Variants in RBFOX1 observed in about 807,000 individuals in gnomAD.
The protein encoded by RBFOX1 is RNA binding protein fox-1 homolog 1.
RBFOX1 carries 8 observed loss-of-function variants against 57.7 expected under a neutral mutation model. The observed-to-expected ratio is 0.14, with a 90% CI of 0.08 to 0.25. RBFOX1 has a LOEUF of 0.25. Ranked by LOEUF, RBFOX1 falls within the 10% of genes least tolerant of loss-of-function variation. The pLI, the probability that RBFOX1 is intolerant of heterozygous loss-of-function variation, is 1.00. For missense variants in RBFOX1, 611 were observed against 548.5 expected (o/e 1.11, Z -1.14); for synonymous variants, 326 against 222.4 (o/e 1.47, Z -4.15).
At chr16:5,503,939 A>G (rs553546611) in intron 2 of RBFOX1, among the ~76,000 whole-genome samples, 1 of 152,142 alleles carries the variant, frequency 6.6e-6, no homozygotes, top group Non-Finnish European at 1.5e-5. Context: ...ATTTCATATA[A>G]ATAGCCTCCT....
At chr16:6,074,042 G>T (rs905401196) in intron 1 of RBFOX1, among the ~76,000 whole-genome samples, 1 of 152,014 alleles carries the variant, frequency 6.6e-6, no homozygotes, top group East Asian at 1.9e-4. Context: ...TCCACCTCCT[G>T]GGTCCCTGCC....
chr16:7,343,405 A>G (rs1246125301), intron 4 of RBFOX1, among the ~76,000 whole-genome samples: 2 of 152,118 alleles, frequency 1.3e-5, no homozygotes, highest in Non-Finnish European at 2.9e-5. Context: ...GACCAGAGAG[A>G]TGAGAATCTG....
intron 4 of RBFOX1, among the ~76,000 whole-genome samples, chr16:7,401,496 G>T (rs533436077): frequency 6.6e-6 from 1 of 152,154 alleles, no homozygotes; most frequent in African/African-American, 2.4e-5. Flanking sequence ...CCCTCAAACA[G>T]ATTAGGTAGG....
At chr16:5,736,219 G>A (rs1037781464) in intron 3 of RBFOX1, among the ~76,000 whole-genome samples, 14 of 152,206 alleles carry the variant, frequency 9.2e-5, no homozygotes, top group Admixed American at 3.9e-4. Flanking sequence ...GAGCAGTGTC[G>A]AAATGAACCT....
At position 7,055,513 on chromosome 16, in the gene RBFOX1, G is replaced by C. The variant is rs142747818; in HGVS notation, c.27+3415G>C. Among the ~76,000 whole-genome samples the C allele has an allele frequency of 2.1e-3, 327 of 152,204 alleles. 4 individuals are homozygous for C. Among genetic ancestry groups the C allele is most frequent in the South Asian group, 0.011 (52 of 4,824 alleles). On this transcript the variant is annotated intron_variant, in intron 4 of 15. Transcript: ENST00000550418. ...ATCTACCCCATATCACGTTCTCACA[G>C]GGCAGCACTCTCATCAGAAGGAAGG...
At chr16:6,292,034 G>A (rs990539416) in intron 1 of RBFOX1, among the ~76,000 whole-genome samples, 1 of 152,022 alleles carries the variant, frequency 6.6e-6, no homozygotes, top group African/African-American at 2.4e-5. Flanking sequence ...ATGGCTTTAT[G>A]TCCACTGTCA....
At chr16:5,420,467 C>G (rs9934096) in intron 1 of RBFOX1, among the ~76,000 whole-genome samples, 7,446 of 152,108 alleles carry the variant, frequency 0.049, 626 homozygotes, top group African/African-American at 0.17. Context: ...CACTCATACA[C>G]TCATGTACAC....
At chr16:6,377,406 A>G (rs1355006443) in intron 2 of RBFOX1, among the ~76,000 whole-genome samples, 1 of 152,182 alleles carries the variant, frequency 6.6e-6, no homozygotes, top group Non-Finnish European at 1.5e-5. Context: ...ACGTTCTGAC[A>G]TTCTGGGGGG....
intron 3 of RBFOX1, among the ~76,000 whole-genome samples, chr16:6,980,503 C>G (rs1486575435): frequency 6.6e-6 from 1 of 152,098 alleles, no homozygotes; most frequent in Non-Finnish European, 1.5e-5. Flanking sequence ...TTCCTAGGCC[C>G]ACTGGTTATC....
chr16:6,047,963 A>C (rs945469787), intron 1 of RBFOX1, among the ~76,000 whole-genome samples: 1 of 152,178 alleles, frequency 6.6e-6, no homozygotes, highest in Non-Finnish European at 1.5e-5. Context: ...TTGGAGGCAC[A>C]TTTTGCTACG....
chr16:5,294,732 A>G lies in RBFOX1; in HGVS notation c.219+54627A>G, dbSNP rs564870761. Among the ~76,000 whole-genome samples the G allele has an allele frequency of 7.2e-5, 11 of 152,064 alleles. No homozygotes were observed. In the South Asian group the frequency reaches 1.7e-3, roughly 23 times the overall value. ...GACCACTGGGGTGTTGCACTTGGAC[A>G]TGGCATAAAAAAGACAGGCCAGGTG... On this transcript the variant is annotated intron_variant, in intron 1 of 2. Coordinates refer to the RBFOX1 transcript ENST00000585867.
chr16:5,501,318 C>CAAAAAAAAAAA (rs1160788118), intron 2 of RBFOX1, among the ~76,000 whole-genome samples: 30 of 64,872 alleles, frequency 4.6e-4, no homozygotes, highest in Non-Finnish European at 5.8e-4. Context: ...ACTCTGTCTA[C>CAAAAAAAAAAA]AAAAAAAAAA....
intron 2 of RBFOX1, among the ~76,000 whole-genome samples, chr16:5,581,730 G>C (rs967910723): frequency 6.6e-6 from 1 of 152,190 alleles, no homozygotes; most frequent in Admixed American, 6.5e-5. Context: ...GGGTCAAAAA[G>C]AAACACTGTA....
intron 2 of RBFOX1, among the ~76,000 whole-genome samples, chr16:6,487,680 AAAAAAAAAAAAAAAAAAAAAATATATAT>A (rs1177752477): frequency 2.8e-3 from 26 of 9,330 alleles, no homozygotes; most frequent in African/African-American, 5.6e-3. Flanking sequence ...ATGTAAAAAA[AAAAAAAAAAAAAAAAAAAAAATATATAT>A]ATATATATAT....
chr16:5,632,406 C>G (rs62017296), intron 3 of RBFOX1: 62,027 of 152,062 alleles, frequency 0.41, 15,169 homozygotes, highest in Non-Finnish European at 0.57. Flanking sequence ...TAATAGCTAC[C>G]CTGTATGTTG....
chr16:7,033,615 TG>T (rs2043400630), intron 3 of RBFOX1, among the ~76,000 whole-genome samples: 1 of 152,128 alleles, frequency 6.6e-6, no homozygotes, highest in African/African-American at 2.4e-5. Flanking sequence ...AGACACAGAA[TG>T]GCTCCCTGTG....
At chr16:7,261,709 A>G (rs1051348041) in intron 4 of RBFOX1, among the ~76,000 whole-genome samples, 2 of 152,206 alleles carry the variant, frequency 1.3e-5, no homozygotes, top group Non-Finnish European at 2.9e-5. Context: ...ATTGATAAAA[A>G]TAGGCATCAT....
At chr16:6,524,333 TTA>T (rs1352925123) in intron 2 of RBFOX1, among the ~76,000 whole-genome samples, 1 of 152,226 alleles carries the variant, frequency 6.6e-6, no homozygotes, top group African/African-American at 2.4e-5. Flanking sequence ...TCTCGTTCCT[TTA>T]TATGGCTGAA....
At chr16:7,096,073 G>A (rs2061647713) in intron 4 of RBFOX1, among the ~76,000 whole-genome samples, 1 of 151,542 alleles carries the variant, frequency 6.6e-6, no homozygotes, top group South Asian at 2.1e-4. Context: ...TCTAATGCAT[G>A]AGATATTGTG....
Sources: allele counts gnomAD v4.1 joint callset (sites outside exome capture counted in the v4.1 genomes callset), GRCh38; gene constraint gnomAD v4.1.1; transcripts MANE v1.5; gene names NCBI Gene and HGNC (gene_info 2026-07-23, HGNC 2026-07-21).